MAPK6: variants seen among roughly 807,000 people sequenced by gnomAD.
MAPK6 encodes mitogen-activated protein kinase 6, also known as ERK-3.
A neutral mutation model predicts 59.3 loss-of-function variants in MAPK6; 19 were observed. The observed-to-expected ratio is 0.32, with a 90% CI of 0.22 to 0.47. The LOEUF (loss-of-function observed/expected upper bound fraction) is 0.47, where lower values mean the gene tolerates loss of function less well. Among genes scored for constraint, MAPK6 ranks in the 20% least tolerant of loss-of-function variants. The probability of loss-of-function intolerance (pLI) is 1.00; values close to 1 mark genes in which losing one functional copy is unlikely to be tolerated. For synonymous variants in MAPK6, 316 were observed against 290.3 expected, an observed-to-expected ratio of 1.09 and a Z score of -0.90; for missense variants, 724 against 847.9, an observed-to-expected ratio of 0.85 and a Z score of 1.81.
chr15:52,022,385 G>A (rs1018259091), intron 1 of MAPK6, among the ~76,000 whole-genome samples: 3 of 151,920 alleles, frequency 2.0e-5, no homozygotes, highest in Non-Finnish European at 4.4e-5. Context: ...CTCAGCCTCC[G>A]GAGGAGCTGG....
In MAPK6 at chr15:51,981,331, C is replaced by T. The variant is rs374193191; in HGVS notation, c.-879-1875C>T. The stretch of plus-strand genomic sequence containing the variant: ...TACTAAAAATACAAAAAATTAGCCG[C>T]GTGTGGTGGCGGGCGCCTGTAGTCC... On this transcript the variant is annotated intron_variant, in intron 1 of 7. Coordinates refer to the MAPK6 transcript ENST00000691380. Among the ~76,000 whole-genome samples the T allele has an allele frequency of 5.9e-5, 9 of 151,700 alleles. No individual in the cohort carries two copies. In the East Asian group the frequency reaches 9.7e-4, roughly 16 times the overall value.
rs181830706 is a variant in MAPK6 at position 52,066,951 on chromosome 15, G to A, written c.*1951G>A. ...ACACTTTTAGTTGGAGCTGGGTGGG[G>A]TGACAAGTGCAGAGGCTTTGAGTGT... On this transcript the variant is annotated 3_prime_UTR_variant, in exon 6 of 6. Transcript: ENST00000261845. 1.3e-5 allele frequency: 2 copies of A among 152,336 alleles called. No individual in the cohort carries two copies. Among genetic ancestry groups the A allele is most frequent in the African/African-American group, 4.8e-5 (2 of 41,564 alleles). The allele number at this position is 152,336 out of a possible 1,614,324, so 9.4% of individuals were successfully genotyped here. A position where few individuals can be genotyped will look rare whatever the true frequency, so the allele number is the denominator to read the frequency against.
intron 2 of MAPK6, among the ~76,000 whole-genome samples, chr15:51,986,926 T>G (rs2057192659): frequency 6.6e-6 from 1 of 152,200 alleles, no homozygotes. Flanking sequence ...ATTAGGGACA[T>G]CTATGTGCAT....
intron 1 of MAPK6, among the ~76,000 whole-genome samples, chr15:52,030,290 C>T (rs1253141376): frequency 6.6e-6 from 1 of 152,116 alleles, no homozygotes; most frequent in Non-Finnish European, 1.5e-5. Context: ...TACTAGAATG[C>T]GAGCTCTTCG....
chr15:51,993,361 A>G (rs1161233234), intron 2 of MAPK6, among the ~76,000 whole-genome samples: 2 of 152,182 alleles, frequency 1.3e-5, no homozygotes, highest in South Asian at 4.1e-4. Context: ...TACATCAGGA[A>G]CTGCAAATGA....
chr15:52,022,925 T>A (rs113791279), intron 1 of MAPK6, among the ~76,000 whole-genome samples: 11,384 of 151,820 alleles, frequency 0.075, 564 homozygotes, highest in Middle Eastern at 0.21. Context: ...CTGGCCAACA[T>A]GGTGAAACCC....
chr15:52,062,205 T>C (rs1321234838), intron 5 of MAPK6, among the ~76,000 whole-genome samples: 2 of 151,552 alleles, frequency 1.3e-5, no homozygotes, highest in Non-Finnish European at 2.9e-5. Context: ...ACCCAGCTAA[T>C]TTTTAGTAGA....
chr15:51,991,672 T>C (rs1222625073), intron 2 of MAPK6, among the ~76,000 whole-genome samples: 1 of 152,230 alleles, frequency 6.6e-6, no homozygotes, highest in African/African-American at 2.4e-5. Context: ...TACACAGTTC[T>C]CTGAGGGTCT....
At chr15:52,015,339 G>T (rs907102167), upstream of MAPK6, among the ~76,000 whole-genome samples, 15 of 152,064 alleles carry the variant, frequency 9.9e-5, no homozygotes, top group African/African-American at 3.6e-4. Context: ...TAGAGACGGG[G>T]TTTCACCATG....
chr15:52,064,443 C>T lies in MAPK6; in HGVS notation c.1609C>T (p.Leu537Phe). The T allele has an allele frequency of 1.1e-5, 18 of 1,610,658 alleles. No homozygotes were observed. Among genetic ancestry groups the T allele is most frequent in the Non-Finnish European group, 1.4e-5 (17 of 1,178,892 alleles). Residue 537 changes from leucine to phenylalanine, a missense_variant, in exon 6 of 6, where the codon CTT becomes TTT. Coordinates refer to ENST00000261845, the MANE Select transcript of MAPK6 (RefSeq NM_002748.4). Reference protein sequence around the residue: ...FDSFIAGTIQLSSQHEPTDVV... With the variant: ...FDSFIAGTIQFSSQHEPTDVV... The stretch of plus-strand genomic sequence containing the variant: ...TTCCTTTATTGCAGGAACTATTCAG[C>T]TTAGTTCCCAGCATGAGCCTACTGA...
intron 4 of MAPK6, among the ~76,000 whole-genome samples, chr15:52,059,295 T>C (rs1274067203): frequency 6.6e-6 from 1 of 152,192 alleles, no homozygotes; most frequent in Non-Finnish European, 1.5e-5. Context: ...GGGAACACTT[T>C]ATTTTTATTT....
intron 5 of MAPK6, among the ~76,000 whole-genome samples, chr15:52,062,349 A>G (rs1483809958): frequency 6.6e-6 from 1 of 152,124 alleles, no homozygotes; most frequent in African/African-American, 2.4e-5. Flanking sequence ...TGTTTTCCTA[A>G]TGACACAATT....
upstream of MAPK6, among the ~76,000 whole-genome samples, chr15:52,016,107 C>CACACACACACACACACACACACACAAAAA (rs1267339787): frequency 1.5e-5 from 2 of 136,212 alleles, no homozygotes; most frequent in Non-Finnish European, 3.1e-5. Flanking sequence ...CACACACACA[C>CACACACACACACACACACACACACAAAAA]AAACTAAAAC....
chr15:52,039,211 T>C (rs2031335835), intron 1 of MAPK6, among the ~76,000 whole-genome samples: 1 of 152,178 alleles, frequency 6.6e-6, no homozygotes. Flanking sequence ...AGTTTGACCA[T>C]GTTGGTCAGG....
In MAPK6 at chr15:52,064,724, C is replaced by G. The variant is rs1390136007; in HGVS notation, c.1890C>G (p.Asp630Glu). The G allele has an allele frequency of 6.2e-7, 1 of 1,611,762 alleles. No individual in the cohort carries two copies. The highest frequency in any genetic ancestry group is 8.5e-7 in the Non-Finnish European group (1 of 1,179,720). The change falls in exon 6 of 6, where the codon GAC (aspartate) becomes GAG (glutamate). Residue 630 changes from aspartate to glutamate, a missense_variant. Asp to Glu is a conservative substitution (Grantham distance 45). Around this residue, in one of 4 missense-constraint regions of MAPK6, gnomAD observed 502 missense variants for 507.6 expected, o/e 0.99. Coordinates refer to ENST00000261845, the MANE Select transcript of MAPK6 (RefSeq NM_002748.4). Reference protein sequence around the residue: ...EKENTYTSYLDKFFSRKEDTE... With the variant: ...EKENTYTSYLEKFFSRKEDTE... Reference sequence around the variant, plus strand: ...AAAACACTTACACTAGTTACTTGGACAAGTTCTTTAGCAGGAAAGAAGATA... The same window carrying G: ...AAAACACTTACACTAGTTACTTGGAGAAGTTCTTTAGCAGGAAAGAAGATA...
chr15:52,058,533 C>A, intron 3 of MAPK6, 100 bp from the exon 4 acceptor site: 2 of 966,698 alleles, frequency 2.1e-6, no homozygotes, highest in Non-Finnish European at 2.9e-6. Context: ...CAAACTTTTC[C>A]CCCCACTGGT....
chr15:52,049,949 C>G (rs975242622), intron 2 of MAPK6, 44 bp from the exon 3 acceptor site: 5 of 1,535,148 alleles, frequency 3.3e-6, no homozygotes, highest in Non-Finnish European at 4.5e-6. Flanking sequence ...AAGTACTGTT[C>G]TTCAGCTAAA....
intron 2 of MAPK6, among the ~76,000 whole-genome samples, chr15:51,992,252 C>T (rs1160570031): frequency 6.8e-6 from 1 of 147,728 alleles, no homozygotes; most frequent in African/African-American, 2.6e-5. Context: ...GCCACCGCAC[C>T]CGGCTGTCCC....
At chr15:52,026,380 C>T (rs1354135021) in intron 1 of MAPK6, among the ~76,000 whole-genome samples, 1 of 152,156 alleles carries the variant, frequency 6.6e-6, no homozygotes, top group African/African-American at 2.4e-5. Context: ...CAGCCTCCGC[C>T]TCCTGGGTTC....
Sources: allele counts gnomAD v4.1 joint callset (sites outside exome capture counted in the v4.1 genomes callset), GRCh38; gene constraint gnomAD v4.1.1; regional missense constraint gnomAD v4.1.1; transcripts MANE v1.5; gene names NCBI Gene and HGNC (gene_info 2026-07-23, HGNC 2026-07-21).